The following HSPA12A variants were observed in gnomAD, a reference collection of about 807,000 sequenced individuals.
The protein encoded by HSPA12A is heat shock 70 kDa protein 12A.
Under a neutral mutation model 69.2 loss-of-function variants are expected in HSPA12A, and 28 were observed. The observed-to-expected ratio is 0.40, with a 90% CI of 0.30 to 0.55. The LOEUF (loss-of-function observed/expected upper bound fraction) is 0.55, where lower values mean the gene tolerates loss of function less well. Ranked by LOEUF, HSPA12A falls within the 20% of genes least tolerant of loss-of-function variation. The pLI is 0.38. For synonymous variants in HSPA12A, 345 were observed against 370.5 expected, an observed-to-expected ratio of 0.93 and a Z score of 0.79; for missense variants, 686 against 900.7, an observed-to-expected ratio of 0.76 and a Z score of 3.05.
intron 1 of HSPA12A, among the ~76,000 whole-genome samples, chr10:116,726,667 C>T (rs1403455783): frequency 6.6e-6 from 1 of 152,150 alleles, no homozygotes; most frequent in Non-Finnish European, 1.5e-5. Flanking sequence ...AGCCTCTACC[C>T]GTCCCCAATA....
chr10:116,678,705 G>A (rs947543283), intron 10 of HSPA12A, among the ~76,000 whole-genome samples: 8 of 151,724 alleles, frequency 5.3e-5, no homozygotes, highest in Non-Finnish European at 1.0e-4. Context: ...TTTAAAACTT[G>A]TCTCCTTTAG....
At chr10:116,844,856 G>GA (rs769178760) in intron 1 of HSPA12A, among the ~76,000 whole-genome samples, 21 of 152,114 alleles carry the variant, frequency 1.4e-4, no homozygotes, top group Admixed American at 7.9e-4. Context: ...CAGGATTAGG[G>GA]AAAAAATGAA....
At position 116,675,717 on chromosome 10, in the gene HSPA12A, C is replaced by T. The variant is rs1849218729; in HGVS notation, c.1391-299G>A. ...TTTGCATAAATGAATACTCCTAAAG[C>T]TCTCCAAACCTGTGGTTCTGTTGGG... is the stretch of plus-strand genomic sequence containing the variant. On this transcript the variant is annotated intron_variant, in intron 11 of 11. Coordinates refer to ENST00000369209, the MANE Select transcript of HSPA12A (RefSeq NM_025015.3). This position sits in a 1 kb window ranked among gnomAD's most constrained non-coding sequence, Gnocchi z 5.2. Among the ~76,000 whole-genome samples, 1 of 152,230 alleles carries T rather than the reference C, an allele frequency of 6.6e-6. No homozygotes were observed. The highest frequency in any genetic ancestry group is 2.1e-4 in the South Asian group (1 of 4,828).
At chr10:116,715,091 A>G (rs1255387078) in intron 1 of HSPA12A, among the ~76,000 whole-genome samples, 3 of 152,206 alleles carry the variant, frequency 2.0e-5, no homozygotes, top group African/African-American at 7.2e-5. Context: ...AATCTACAGG[A>G]AAGGAGGGCA....
At position 116,687,580 on chromosome 10, in the gene HSPA12A, C is replaced by A. The variant is rs1849612508; in HGVS notation, c.664-3618G>T. 2.0e-5 allele frequency among the ~76,000 whole-genome samples: 3 copies of A among 152,316 alleles called. No individual in the cohort carries two copies. In the Middle Eastern group the frequency reaches 0.01, roughly 518 times the overall value. ...AATGCTAAAGTATCGCCCAGGCTCT[C>A]AAAAACCCAGCTGTCTTTCTCTCTG... On this transcript the variant is annotated intron_variant, in intron 6 of 11. Transcript: ENST00000369209.
At chr10:116,799,019 C>A (rs558484769) in intron 2 of HSPA12A, among the ~76,000 whole-genome samples, 1 of 152,038 alleles carries the variant, frequency 6.6e-6, no homozygotes, top group African/African-American at 2.4e-5. Flanking sequence ...ATGCCCAGGG[C>A]TCTGCTGACT....
At chr10:116,744,470 T>A (rs1851603047), upstream of HSPA12A, among the ~76,000 whole-genome samples, 1 of 152,192 alleles carries the variant, frequency 6.6e-6, no homozygotes, top group African/African-American at 2.4e-5. Flanking sequence ...TGCCTCCTGC[T>A]GTGGAAGGGC....
At chr10:116,721,789 C>T (rs1850786587) in intron 1 of HSPA12A, among the ~76,000 whole-genome samples, 1 of 152,164 alleles carries the variant, frequency 6.6e-6, no homozygotes, top group Non-Finnish European at 1.5e-5. Flanking sequence ...TGTTTAGGGG[C>T]CCTGGGAGGC....
chr10:116,756,598 C>T (rs1843857129), intron 2 of HSPA12A, among the ~76,000 whole-genome samples: 1 of 152,236 alleles, frequency 6.6e-6, no homozygotes, highest in South Asian at 2.1e-4. Flanking sequence ...TAACCCAAGG[C>T]CTGCAGCCGC....
chr10:116,681,847 C>A lies in HSPA12A; in HGVS notation c.866G>T (p.Ser289Ile). 6.2e-7 allele frequency: 1 copy of A among 1,614,182 alleles called. No individual in the cohort carries two copies. Among genetic ancestry groups the A allele is most frequent in the South Asian group, 1.1e-5 (1 of 91,080 alleles). The change falls in exon 8 of 12, where the codon AGT becomes ATT. Residue 289 changes from serine (S) to isoleucine (I), a missense_variant. Coordinates refer to ENST00000369209, the MANE Select transcript of HSPA12A (RefSeq NM_025015.3). Reference protein sequence around the residue: ...AKEHIRRNRQSRTFLVENVIG... With the variant: ...AKEHIRRNRQIRTFLVENVIG... The stretch of plus-strand genomic sequence containing the variant: ...GACATTCTCCACCAAAAAGGTCCGA[C>A]TCTGCCGATTACGCCGTATGTGTTC...
At chr10:116,765,720 A>T (rs1156422229) in intron 2 of HSPA12A, among the ~76,000 whole-genome samples, 1 of 152,122 alleles carries the variant, frequency 6.6e-6, no homozygotes, top group Non-Finnish European at 1.5e-5. Flanking sequence ...GATGCTGAGA[A>T]ACCTGCCATA....
chr10:116,813,491 C>A (rs1474933775), intron 2 of HSPA12A, among the ~76,000 whole-genome samples: 1 of 151,974 alleles, frequency 6.6e-6, no homozygotes, highest in East Asian at 2.0e-4. Context: ...TCGTGATCCA[C>A]CCGCCTCAGC....
chr10:116,844,865 A>G (rs1342406295), intron 1 of HSPA12A, among the ~76,000 whole-genome samples: 1 of 152,262 alleles, frequency 6.6e-6, no homozygotes, highest in Non-Finnish European at 1.5e-5. Context: ...GGAAAAAATG[A>G]ACAAATACGT....
chr10:116,679,420 A>G (rs1029565245), intron 10 of HSPA12A, 83 bp downstream of exon 10: 1 of 1,540,882 alleles, frequency 6.5e-7, no homozygotes, highest in Non-Finnish European at 8.8e-7. Flanking sequence ...TTGGAACCCG[A>G]AGTCCACACT....
chr10:116,793,937 G>A (rs892517441), intron 2 of HSPA12A, among the ~76,000 whole-genome samples: 11 of 152,168 alleles, frequency 7.2e-5, no homozygotes, highest in African/African-American at 2.4e-4. Context: ...GGTGGCTCAC[G>A]CCTGTAATCC....
At chr10:116,830,707 T>C (rs1041994935) in intron 2 of HSPA12A, 2 of 152,054 alleles carry the variant, frequency 1.3e-5, no homozygotes, top group African/African-American at 4.8e-5. Context: ...TGGGAGGTCA[T>C]GGCTGCAGTG....
In HSPA12A at chr10:116,768,605, C is replaced by G. The variant is rs1369699400; in HGVS notation, c.92-61320G>C. 2.6e-5 allele frequency among the ~76,000 whole-genome samples: 4 copies of G among 152,184 alleles called. No individual in the cohort carries two copies. The South Asian group carries it at 8.3e-4, about 31-fold the overall frequency. On this transcript the variant is annotated intron_variant, in intron 2 of 12. Coordinates refer to the HSPA12A transcript ENST00000635765. ...CATGGCTCACTGCAACCTCGAACTC[C>G]TGGGCTCAAGTGAACCTCCTGTCTC... is the stretch of plus-strand genomic sequence containing the variant.
chr10:116,711,094 A>G (rs1226748161), intron 1 of HSPA12A, among the ~76,000 whole-genome samples: 1 of 152,246 alleles, frequency 6.6e-6, no homozygotes, highest in Non-Finnish European at 1.5e-5. Context: ...TGATGTATGG[A>G]ATGCCCTATA....
At chr10:116,713,495 T>A (rs1281126004) in intron 1 of HSPA12A, among the ~76,000 whole-genome samples, 1 of 152,132 alleles carries the variant, frequency 6.6e-6, no homozygotes, top group African/African-American at 2.4e-5. Flanking sequence ...GGGGGCAGCA[T>A]CAGGCCCATC....
Sources: allele counts gnomAD v4.1 joint callset (sites outside exome capture counted in the v4.1 genomes callset), GRCh38; gene constraint gnomAD v4.1.1; non-coding constraint Gnocchi (gnomAD v3.1); transcripts MANE v1.5; gene names NCBI Gene and HGNC (gene_info 2026-07-23, HGNC 2026-07-21).